Variants in R3HDM2 observed in about 807,000 individuals in gnomAD.
R3HDM2 encodes the protein R3H domain-containing protein 2.
In R3HDM2, 38 loss-of-function variants were observed where a neutral mutation model predicts 124.5. The ratio of observed to expected loss-of-function variants is 0.31; its 90% confidence interval spans 0.24 to 0.40. R3HDM2 has a LOEUF of 0.40. R3HDM2 is among the 10% of genes least tolerant of loss of function. R3HDM2 has a pLI of 1.00. For missense variants in R3HDM2, 869 were observed against 1,236.9 expected (o/e 0.70, Z 4.46); for synonymous variants, 391 against 448.0 (o/e 0.87, Z 1.61).
chr12:57,360,016 T>A (rs974350555), intron 2 of R3HDM2, among the ~76,000 whole-genome samples: 1 of 88,960 alleles, frequency 1.1e-5, no homozygotes, highest in African/African-American at 3.3e-5. Flanking sequence ...AATATATATA[T>A]ATATATACAC....
intron 2 of R3HDM2, among the ~76,000 whole-genome samples, chr12:57,379,434 G>A (rs920550934): frequency 6.6e-6 from 1 of 152,030 alleles, no homozygotes; most frequent in Admixed American, 6.6e-5. Context: ...TACAAAATAA[G>A]CCTGGCGTGG....
chr12:57,399,869 G>A (rs971518891), intron 1 of R3HDM2, among the ~76,000 whole-genome samples: 8 of 152,122 alleles, frequency 5.3e-5, no homozygotes, highest in Non-Finnish European at 1.2e-4. Context: ...ACCTTAATGG[G>A]ATGCCCGATA....
intron 4 of R3HDM2, among the ~76,000 whole-genome samples, chr12:57,300,623 T>C (rs1291573840): frequency 2.0e-5 from 3 of 152,236 alleles, no homozygotes; most frequent in Non-Finnish European, 4.4e-5. Context: ...TCTCCAGGTC[T>C]CTGTTTTTCC....
At chr12:57,313,577 A>G (rs1180097251) in intron 2 of R3HDM2, among the ~76,000 whole-genome samples, 1 of 137,372 alleles carries the variant, frequency 7.3e-6, no homozygotes, top group African/African-American at 2.7e-5. Context: ...AAAAAAAAAA[A>G]TAATAATAAT....
At chr12:57,306,613 G>T (rs572873026) in intron 3 of R3HDM2, among the ~76,000 whole-genome samples, 1 of 152,190 alleles carries the variant, frequency 6.6e-6, no homozygotes, top group African/African-American at 2.4e-5. Context: ...ATTTCACCAT[G>T]TTGGCCAGGA....
At chr12:57,300,321 G>GT (rs1286876551) in intron 4 of R3HDM2, 140 bp from the exon 5 acceptor site, 14 of 669,462 alleles carry the variant, frequency 2.1e-5, no homozygotes, top group Non-Finnish European at 3.0e-5. Flanking sequence ...TTAAACAGGG[G>GT]TTTTTTTCAA....
intron 13 of R3HDM2, among the ~76,000 whole-genome samples, chr12:57,283,610 A>G (rs1227765989): frequency 6.6e-6 from 1 of 152,106 alleles, no homozygotes; most frequent in African/African-American, 2.4e-5. Flanking sequence ...GTGGTGGCGC[A>G]TGCCTGTAAT....
chr12:57,408,632 A>G (rs1341129613), intron 1 of R3HDM2, among the ~76,000 whole-genome samples: 1 of 152,164 alleles, frequency 6.6e-6, no homozygotes, highest in Admixed American at 6.5e-5. Context: ...ATTAATCATG[A>G]GCAGATAATT....
intron 19 of R3HDM2, among the ~76,000 whole-genome samples, 164 bp downstream of exon 19, chr12:57,266,567 C>G (rs1008874262): frequency 2.0e-5 from 3 of 152,220 alleles, no homozygotes; most frequent in African/African-American, 7.2e-5. Flanking sequence ...CTTCAGTACC[C>G]TTGGAAAACA....
chr12:57,265,717 C>T (rs115537406), intron 19 of R3HDM2, among the ~76,000 whole-genome samples: 1,534 of 152,130 alleles, frequency 0.01, 18 homozygotes, highest in African/African-American at 0.036. Flanking sequence ...TCCTTACAGC[C>T]TCAGCCTCCC....
chr12:57,382,825 G>A (rs1466708026), intron 2 of R3HDM2, among the ~76,000 whole-genome samples: 2 of 151,596 alleles, frequency 1.3e-5, no homozygotes, highest in Admixed American at 1.3e-4. Context: ...GACAGAGAGA[G>A]ACTCCATCTC....
intron 14 of R3HDM2, among the ~76,000 whole-genome samples, chr12:57,272,829 T>G (rs73338190): frequency 0.063 from 9,515 of 152,196 alleles, 408 homozygotes; most frequent in East Asian, 0.2. Context: ...CATTAGCCAT[T>G]CAGAACTCTG....
At chr12:57,421,026 C>T (rs985131590) in intron 1 of R3HDM2, among the ~76,000 whole-genome samples, 5 of 151,998 alleles carry the variant, frequency 3.3e-5, no homozygotes, top group Admixed American at 6.6e-5. Flanking sequence ...ATGGAAGTCA[C>T]TATCCACCTT....
intron 2 of R3HDM2, among the ~76,000 whole-genome samples, chr12:57,389,995 G>A (rs2066415756): frequency 6.6e-6 from 1 of 151,948 alleles, no homozygotes; most frequent in East Asian, 1.9e-4. Flanking sequence ...TTTTTTGTCT[G>A]AGCTCTATTT....
chr12:57,266,594 T>C (rs77936166), intron 19 of R3HDM2, 137 bp downstream of exon 19: 14,922 of 684,532 alleles, frequency 0.022, 261 homozygotes, highest in Non-Finnish European at 0.03. Context: ...AAGACTGTTT[T>C]TTCTTTGTGA....
chr12:57,345,070 G>T (rs1042124504), intron 2 of R3HDM2, among the ~76,000 whole-genome samples: 1 of 152,028 alleles, frequency 6.6e-6, no homozygotes, highest in Admixed American at 6.6e-5. Context: ...CCGACCTCGG[G>T]TGATCTGCCT....
chr12:57,278,008 A>G (rs2045246486), intron 14 of R3HDM2, among the ~76,000 whole-genome samples: 1 of 152,200 alleles, frequency 6.6e-6, no homozygotes, highest in African/African-American at 2.4e-5. Context: ...GTGGAGAGGG[A>G]GAAAAAAGGA....
At chr12:57,302,381 C>T (rs890040412) in intron 4 of R3HDM2, among the ~76,000 whole-genome samples, 5 of 149,766 alleles carry the variant, frequency 3.3e-5, no homozygotes, top group Admixed American at 6.7e-5. Flanking sequence ...GTCAAGAGTT[C>T]GAAGCCGGGC....
chr12:57,426,546 C>G (rs994027925), intron 1 of R3HDM2, among the ~76,000 whole-genome samples: 2 of 152,132 alleles, frequency 1.3e-5, no homozygotes, highest in African/African-American at 4.8e-5. Flanking sequence ...AAAGTGGAAC[C>G]AGCCTGCTCA....
Sources: gnomAD v4.1 joint callset for allele counts (sites outside exome capture counted in the v4.1 genomes callset) on GRCh38, gnomAD v4.1.1 for gene constraint, MANE v1.5 for transcripts, NCBI Gene and HGNC (gene_info 2026-07-23, HGNC 2026-07-21) for gene names.